DGAT1: variants seen among roughly 807,000 people sequenced by gnomAD.
DGAT1 encodes diacylglycerol O-acyltransferase 1.
A neutral mutation model predicts 72.6 loss-of-function variants in DGAT1; 60 were observed. That is an observed-to-expected ratio of 0.83 (90% CI 0.67 to 1.02). DGAT1 has a LOEUF of 1.02. Among genes scored for constraint, DGAT1 ranks in the 50% least tolerant of loss-of-function variants. The probability of loss-of-function intolerance (pLI) is 0.00; values close to 1 mark genes in which losing one functional copy is unlikely to be tolerated. For synonymous variants in DGAT1, 290 were observed against 267.5 expected (o/e 1.08, Z -0.82); for missense variants, 592 against 670.0 (o/e 0.88, Z 1.29).
Position 144,326,555 on chromosome 8 carries a change from C to T in DGAT1, c.82G>A (p.Glu28Lys), listed in dbSNP as rs1817600185. 1.6e-6 allele frequency: 2 copies of T among 1,262,736 alleles called. No individual in the cohort carries two copies. The highest frequency in any genetic ancestry group is 9.9e-7 in the Non-Finnish European group (1 of 1,005,166). The allele number at this position is 1,262,736 out of a possible 1,614,324, so 78.2% of individuals were successfully genotyped here. ...SHGGGGPAAAEEEVRDAAAGP... is the reference protein window; with the variant it reads ...SHGGGGPAAAKEEVRDAAAGP... ...GCAGCGGCGTCCCGCACCTCCTCTTCCGCCGCCGCAGGCCCGCCGCCGCCG... is the reference window on the plus strand; with the variant it reads ...GCAGCGGCGTCCCGCACCTCCTCTTTCGCCGCCGCAGGCCCGCCGCCGCCG... The change falls in exon 1 of 17, where the codon GAA becomes AAA. Residue 28 changes from glutamate to lysine, a missense_variant. By Grantham distance (56) the Glu-to-Lys change is moderately conservative. Coordinates refer to ENST00000528718, the MANE Select transcript of DGAT1 (RefSeq NM_012079.6).
intron 2 of DGAT1, 24 bp downstream of exon 2, chr8:144,321,297 C>T (rs1564632960): frequency 1.2e-6 from 2 of 1,611,958 alleles, no homozygotes; most frequent in East Asian, 2.2e-5. Context: ...CCTAGACCCG[C>T]TCCCGACACC....
chr8:144,318,290 G>A lies in DGAT1; in HGVS notation c.647C>T (p.Ser216Leu). 1.2e-6 allele frequency: 2 copies of A among 1,612,882 alleles called. No homozygotes were observed. The highest frequency in any genetic ancestry group is 1.7e-6 in the Non-Finnish European group (2 of 1,179,886). ...LKLFSYRDVN[S>L]WCRRARAKAA... ...CTTGGCCCTGGCCCTGCGGCACCAT[G>A]AGTTGACGTCGCGGTAGGAGAAGAG... The change falls in exon 7 of 17, where the codon TCA becomes TTA. Residue 216 changes from serine (S) to leucine (L), a missense_variant. Transcript: ENST00000528718.
At position 144,318,147 on chromosome 8, in the gene DGAT1, G is replaced by C. The variant is rs1554847519; in HGVS notation, c.699C>G (p.Ser233Arg). ...TCACGGTGTGCGGGGCAGCAGCACT[G>C]CTGGCCTTCTTCCCTGCAGAGGCTA... ...AKAASAGKKA[S>R]SAAAPHTVSY... The change falls in exon 8 of 17, where the codon AGC (serine) becomes AGG (arginine). Residue 233 changes from serine (S) to arginine (R), a missense_variant. Coordinates refer to ENST00000528718, the MANE Select transcript of DGAT1 (RefSeq NM_012079.6). The C allele has an allele frequency of 6.3e-7, 1 of 1,579,634 alleles. No individual in the cohort carries two copies. The highest frequency in any genetic ancestry group is 1.1e-5 in the South Asian group (1 of 87,630).
In DGAT1 at chr8:144,316,707, G is replaced by A; in HGVS notation, c.1314C>T (p.Ile438=). The A allele has an allele frequency of 6.2e-7, 1 of 1,611,450 alleles. No individual in the cohort carries two copies. The highest frequency in any genetic ancestry group is 8.5e-7 in the Non-Finnish European group (1 of 1,179,192). The change falls in exon 17 of 17, where the codon ATC becomes ATT. Residue 438 remains isoleucine (I), a splice_region_variant and synonymous_variant. Coordinates refer to ENST00000528718, the MANE Select transcript of DGAT1 (RefSeq NM_012079.6). The stretch of plus-strand genomic sequence containing the variant: ...AGCGGCCCACGAACCAGGCCAGTGG[G>A]ATCTAGGGAGTGAGGGGCCAAGTCA... The part of the protein sequence containing the change: ...LWAFTGMMAQ[I]PLAWFVGRFF...
intron 14 of DGAT1, 24 bp downstream of exon 14, chr8:144,317,163 C>A: frequency 6.5e-7 from 1 of 1,549,568 alleles, no homozygotes; most frequent in African/African-American, 1.4e-5. Flanking sequence ...TGTTCCACAT[C>A]ACACACACAC....
intron 1 of DGAT1, among the ~76,000 whole-genome samples, chr8:144,322,353 G>A (rs1223689880): frequency 2.0e-5 from 3 of 152,202 alleles, no homozygotes; most frequent in Admixed American, 1.3e-4. Context: ...ACACAGCATT[G>A]AGCAAGTCCT....
chr8:144,326,837 T>C lies in DGAT1; in HGVS notation c.-201A>G. On this transcript the variant is annotated 5_prime_UTR_variant, in exon 1 of 17. Transcript: ENST00000528718. ...GCCTCAAGGACAACGGCTGCGTTGCTCCGGAGCCGCTAACTAATGGACGGC... is the reference window on the plus strand; with the variant it reads ...GCCTCAAGGACAACGGCTGCGTTGCCCCGGAGCCGCTAACTAATGGACGGC... 1 of 276,724 alleles carries C rather than the reference T, an allele frequency of 3.6e-6. No individual in the cohort carries two copies. Among genetic ancestry groups the C allele is most frequent in the Non-Finnish European group, 6.1e-6 (1 of 162,944 alleles). 17.1% of individuals were successfully genotyped at this position (276,724 alleles called of 1,614,324 possible).
At position 144,316,637 on chromosome 8, in the gene DGAT1, T is replaced by C. The variant is rs1554847048; in HGVS notation, c.1384A>G (p.Ile462Val). ...AGGACGGCTATTGGCTGTCCGATGA[T>C]GAGCGACAGCCACACAGCTGCGTTG... ...YGNAAVWLSL[I>V]IGQPIAVLMY... Residue 462 changes from isoleucine (I) to valine (V), a missense_variant, in exon 17 of 17, where the codon ATC (isoleucine) becomes GTC (valine). Ile to Val is a conservative substitution (Grantham distance 29). Coordinates refer to ENST00000528718, the MANE Select transcript of DGAT1 (RefSeq NM_012079.6). The C allele has an allele frequency of 8.7e-6, 14 of 1,610,160 alleles. No homozygotes were observed. In the South Asian group the frequency reaches 8.8e-5, roughly 10 times the overall value.
chr8:144,316,411 C>G lies in DGAT1; in HGVS notation c.*143G>C. ...CCCTGAGGGGTGCAGGACAGAGCCC[C>G]ATAGGGGCAGAGAGGCCTCCCTGGG... On this transcript the variant is annotated 3_prime_UTR_variant, in exon 17 of 17. Coordinates refer to ENST00000528718, the MANE Select transcript of DGAT1 (RefSeq NM_012079.6). The G allele has an allele frequency of 1.9e-6, 2 of 1,065,500 alleles. No homozygotes were observed. The highest frequency in any genetic ancestry group is 2.6e-6 in the Non-Finnish European group (2 of 758,276). 66.0% of individuals were successfully genotyped at this position (1,065,500 alleles called of 1,614,324 possible). A position where few individuals can be genotyped will look rare whatever the true frequency, so the allele number is the denominator to read the frequency against.
In DGAT1 at chr8:144,326,449, TG is replaced by T; in HGVS notation, c.187del (p.His63ThrfsTer4). 7.3e-7 allele frequency: 1 copy of T among 1,367,488 alleles called. No individual in the cohort carries two copies. The highest frequency in any genetic ancestry group is 1.6e-5 in the South Asian group (1 of 62,236). The allele number at this position is 1,367,488 out of a possible 1,614,324, so 84.7% of individuals were successfully genotyped here. On this transcript the variant is annotated frameshift_variant, in exon 1 of 17. Coordinates refer to ENST00000528718, the MANE Select transcript of DGAT1 (RefSeq NM_012079.6). LOFTEE classifies it high-confidence loss of function. The part of the protein sequence containing the change: ...KDGDAGVGSG[H>X]WELRCHRLQD... ...GGCGCTCCGCTACCTCAGCTCCCAG[TG>T]GCCGCTGCCCACGCCGGCGTCTCCG...
chr8:144,317,015 C>T lies in DGAT1; in HGVS notation c.1248+7G>A. On this transcript the variant is annotated splice_region_variant and intron_variant, in intron 15 of 16. Transcript: ENST00000528718. ...GGATGAGGCAAGATGCCCCCCAGAG[C>T]ACTGACCTCGTGGAAGAAGGCCGAG... 6.2e-7 allele frequency: 1 copy of T among 1,612,234 alleles called. No homozygotes were observed. Among genetic ancestry groups the T allele is most frequent in the Non-Finnish European group, 8.5e-7 (1 of 1,179,648 alleles).
At chr8:144,317,134 CGGTTCA>C (rs781817760) in intron 14 of DGAT1, 25 bp from the exon 15 acceptor site, 24 of 1,612,630 alleles carry the variant, frequency 1.5e-5, no homozygotes, top group Non-Finnish European at 2.0e-5. Context: ...GCATGGAAAG[CGGTTCA>C]GGTTCACAGC....
In DGAT1 at chr8:144,315,632, G is replaced by A; in HGVS notation, c.*922C>T. 1.0e-6 allele frequency: 1 copy of A among 985,052 alleles called. No individual in the cohort carries two copies. Among genetic ancestry groups the A allele is most frequent in the Non-Finnish European group, 1.2e-6 (1 of 829,554 alleles). 61.0% of individuals were successfully genotyped at this position (985,052 alleles called of 1,614,324 possible). A position where few individuals can be genotyped will look rare whatever the true frequency, so the allele number is the denominator to read the frequency against. ...CATCTATCCAGCTTGGTGGATTGCA[G>A]GGCCTGGGAACAAGGTGTCCTGAAG... is the stretch of plus-strand genomic sequence containing the variant. On this transcript the variant is annotated 3_prime_UTR_variant, in exon 17 of 17. Coordinates refer to ENST00000528718, the MANE Select transcript of DGAT1 (RefSeq NM_012079.6).
Position 144,321,965 on chromosome 8 carries a change from T to C in DGAT1, c.201-557A>G, listed in dbSNP as rs139968062. 3.8e-3 allele frequency among the ~76,000 whole-genome samples: 584 copies of C among 152,334 alleles called. 3 individuals are homozygous for C. The highest frequency in any genetic ancestry group is 0.013 in the African/African-American group (552 of 41,580). On this transcript the variant is annotated intron_variant, in intron 1 of 16. Transcript: ENST00000528718. ...AGCCACACACCAGCCTGACATGCACTTTCCCAGAGGCAGGGATCCAGCCCT... is the reference window on the plus strand; with the variant it reads ...AGCCACACACCAGCCTGACATGCACCTTCCCAGAGGCAGGGATCCAGCCCT...
Position 144,314,856 on chromosome 8 carries a change from C to T in DGAT1, c.*1698G>A. On this transcript the variant is annotated 3_prime_UTR_variant, in exon 17 of 17. Transcript: ENST00000528718. ...ACGGATGCTTGCAGCTAGCTCCGTG[C>T]CTGCCCGACTCCCCAGGACCAGCAT... 1 of 969,744 alleles carries T rather than the reference C, an allele frequency of 1.0e-6. No individual in the cohort carries two copies. Among genetic ancestry groups the T allele is most frequent in the Non-Finnish European group, 1.2e-6 (1 of 814,426 alleles). 60.1% of individuals were successfully genotyped at this position (969,744 alleles called of 1,614,324 possible).
In DGAT1 at chr8:144,316,720, AG is replaced by A; in HGVS notation, c.1312-12del. ...CCAGGCCAGTGGGATCTAGGGAGTG[AG>A]GGGCCAAGTCAGTCGGCCATGGTGA... On this transcript the variant is annotated splice_polypyrimidine_tract_variant and intron_variant, in intron 16 of 16. Transcript: ENST00000528718. The A allele has an allele frequency of 6.2e-7, 1 of 1,610,182 alleles. No homozygotes were observed. Among genetic ancestry groups the A allele is most frequent in the South Asian group, 1.1e-5 (1 of 90,672 alleles).
At chr8:144,325,501 A>G (rs1215772423) in intron 1 of DGAT1, among the ~76,000 whole-genome samples, 1 of 152,152 alleles carries the variant, frequency 6.6e-6, no homozygotes, top group Non-Finnish European at 1.5e-5. Flanking sequence ...TTCTGCCTTG[A>G]TAACCTCTAG....
chr8:144,321,375 A>G lies in DGAT1; in HGVS notation c.234T>C (p.Ser78=), dbSNP rs202186140. 5.0e-5 allele frequency: 80 copies of G among 1,613,978 alleles called. No homozygotes were observed. The highest frequency in any genetic ancestry group is 6.6e-5 in the Non-Finnish European group (78 of 1,179,958). The change falls in exon 2 of 17, where the codon TCT becomes TCC. Residue 78 remains serine (S), a synonymous_variant. Coordinates refer to ENST00000528718, the MANE Select transcript of DGAT1 (RefSeq NM_012079.6). ...CACGGTAGTTGCTGAAGCCACTGTC[A>G]GAGCTGAATAAAGAATCCTGCAGGC... ...CHRLQDSLFS[S]DSGFSNYRGI...
At position 144,326,810 on chromosome 8, in the gene DGAT1, C is replaced by A. The variant is rs903659988; in HGVS notation, c.-174G>T. ...TTCAACCCGCCCGCGTCGGGCCCGT[C>A]GGCCTCAAGGACAACGGCTGCGTTG... On this transcript the variant is annotated 5_prime_UTR_variant, in exon 1 of 17. Coordinates refer to ENST00000528718, the MANE Select transcript of DGAT1 (RefSeq NM_012079.6). 3 of 377,542 alleles carry A rather than the reference C, an allele frequency of 7.9e-6. No homozygotes were observed. Among genetic ancestry groups the A allele is most frequent in the African/African-American group, 4.3e-5 (2 of 46,304 alleles). The allele number at this position is 377,542 out of a possible 1,614,324, so 23.4% of individuals were successfully genotyped here. A position where few individuals can be genotyped will look rare whatever the true frequency, so the allele number is the denominator to read the frequency against.
Sources: allele counts gnomAD v4.1 joint callset (sites outside exome capture counted in the v4.1 genomes callset), GRCh38; gene constraint gnomAD v4.1.1; transcripts MANE v1.5; gene names NCBI Gene and HGNC (gene_info 2026-07-23, HGNC 2026-07-21).